SULT1A1: variants seen among roughly 807,000 people sequenced by gnomAD.
SULT1A1 encodes the protein sulfotransferase family 1A member 1, also known as sulfotransferase 1A1.
A neutral mutation model predicts 36.8 loss-of-function variants in SULT1A1; 35 were observed. The ratio of observed to expected loss-of-function variants is 0.95; its 90% CI spans 0.73 to 1.26. The LOEUF (loss-of-function observed/expected upper bound fraction) is 1.26, where lower values mean the gene tolerates loss of function less well. Ranked by LOEUF, SULT1A1 falls within the 50% of genes most tolerant of loss-of-function variation. The probability of loss-of-function intolerance (pLI) is 0.00; values close to 1 mark genes in which losing one functional copy is unlikely to be tolerated. For missense variants in SULT1A1, 309 were observed against 383.0 expected (o/e 0.81, Z 1.61); for synonymous variants, 119 against 146.0 (o/e 0.82, Z 1.33).
intron 2 of SULT1A1, among the ~76,000 whole-genome samples, chr16:28,616,233 A>G (rs576967085): frequency 1.4e-3 from 212 of 152,380 alleles, no homozygotes; most frequent in South Asian, 0.012. Flanking sequence ...TATTGGAAGA[A>G]AAAGTAATTG....
rs2047356932 is a variant in SULT1A1, at chr16:28,609,307, C to G, written c.-4-448G>C. Reference sequence around the variant, plus strand: ...TGGAGATGCTCCCCTCCTTGAGCCCCTCAGCCCCTCACATGTGGAAACCGC... The same window carrying G: ...TGGAGATGCTCCCCTCCTTGAGCCCGTCAGCCCCTCACATGTGGAAACCGC... On this transcript the variant is annotated intron_variant, in intron 1 of 7. Transcript: ENST00000314752. The G allele has an allele frequency of 2.3e-6, 3 of 1,278,404 alleles. 1 individual carries two copies. The highest frequency in any genetic ancestry group is 3.0e-6 in the Non-Finnish European group (3 of 984,844). 79.2% of individuals were successfully genotyped at this position (1,278,404 alleles called of 1,614,324 possible).
At chr16:28,606,474 G>C (rs79039694) in intron 6 of SULT1A1, among the ~76,000 whole-genome samples, 1 of 151,474 alleles carries the variant, frequency 6.6e-6, no homozygotes, top group African/African-American at 2.4e-5. Flanking sequence ...GTCTTCTTCT[G>C]TGACTGTGGC....
intron 1 of SULT1A1, chr16:28,623,107 C>T (rs2047688604): frequency 1.3e-6 from 2 of 1,509,520 alleles, no homozygotes; most frequent in Non-Finnish European, 1.8e-6. Context: ...TCCCACCCCC[C>T]AGGTTCCCCC....
At chr16:28,608,152 T>C in intron 4 of SULT1A1, 139 bp downstream of exon 4, 1 of 1,264,492 alleles carries the variant, frequency 7.9e-7, no homozygotes, top group South Asian at 1.5e-5. Context: ...CACACCCGGC[T>C]AATTTTGTAT....
chr16:28,605,744 A>G lies in SULT1A1; in HGVS notation c.*77T>C, dbSNP rs2047147394. On this transcript the variant is annotated 3_prime_UTR_variant, in exon 8 of 8. Transcript: ENST00000314752. The stretch of plus-strand genomic sequence containing the variant: ...ACATGACCTACCGTCCCGGGCCCTC[A>G]ATTCATATTTTATTCTTGAGCCGCT... The G allele has an allele frequency of 6.2e-7, 1 of 1,601,094 alleles. No individual in the cohort carries two copies.
chr16:28,614,944 A>T (rs549239114), upstream of SULT1A1: 28 of 109,512 alleles, frequency 2.6e-4, no homozygotes, highest in East Asian at 4.8e-3. Context: ...TCAAGAAGAG[A>T]GCCTCTCCAC....
At position 28,608,606 on chromosome 16, in the gene SULT1A1, G is replaced by A. The variant is rs777623231; in HGVS notation, c.149-3C>T. Reference sequence around the variant, plus strand: ...AATCTGGCTTACCCAGGTAGTGCCTGGAGAGGGAGGGAGATGGGAGGTGAG... The same window carrying A: ...AATCTGGCTTACCCAGGTAGTGCCTAGAGAGGGAGGGAGATGGGAGGTGAG... On this transcript the variant is annotated splice_polypyrimidine_tract_variant and splice_region_variant and intron_variant, in intron 2 of 7. Coordinates refer to ENST00000314752, the MANE Select transcript of SULT1A1 (RefSeq NM_001055.4). 1 of 1,611,826 alleles carries A rather than the reference G, an allele frequency of 6.2e-7. No individual in the cohort carries two copies. Among genetic ancestry groups the A allele is most frequent in the Non-Finnish European group, 8.5e-7 (1 of 1,178,182 alleles).
At chr16:28,611,574 G>A (rs1215833633), upstream of SULT1A1, 2 of 152,042 alleles carry the variant, frequency 1.3e-5, no homozygotes, top group Non-Finnish European at 2.9e-5. Flanking sequence ...GCCCATAAAG[G>A]TCAGCCCCAC....
chr16:28,617,800 G>A (rs1170422913), intron 2 of SULT1A1, among the ~76,000 whole-genome samples: 1 of 152,044 alleles, frequency 6.6e-6, no homozygotes, highest in South Asian at 2.1e-4. Context: ...AAAGTGCTGG[G>A]ATTACAGGTG....
chr16:28,623,371 G>A (rs530114517), exon 1 of SULT1A1: 3 of 1,475,182 alleles, frequency 2.0e-6, no homozygotes, highest in African/African-American at 2.8e-5. Context: ...AGCGAGCTAC[G>A]GCACGCTCGT....
intron 2 of SULT1A1, chr16:28,619,993 TTGTGTGTG>T: frequency 8.9e-7 from 1 of 1,119,768 alleles, no homozygotes; most frequent in East Asian, 2.6e-5. Flanking sequence ...GTATTGTATA[TTGTGTGTG>T]TGTGTGTGTG....
chr16:28,616,237 G>A (rs911409586), intron 2 of SULT1A1, among the ~76,000 whole-genome samples: 1 of 152,180 alleles, frequency 6.6e-6, no homozygotes, highest in Non-Finnish European at 1.5e-5. Context: ...GGAAGAAAAA[G>A]TAATTGCTAC....
Position 28,605,649 on chromosome 16 carries a change from C to T in SULT1A1, c.*172G>A, listed in dbSNP as rs1158564643. 6.7e-6 allele frequency: 7 copies of T among 1,048,098 alleles called. No individual in the cohort carries two copies. Among genetic ancestry groups the T allele is most frequent in the Non-Finnish European group, 1.0e-5 (7 of 702,150 alleles). 64.9% of individuals were successfully genotyped at this position (1,048,098 alleles called of 1,614,324 possible). On this transcript the variant is annotated 3_prime_UTR_variant, in exon 8 of 8. Coordinates refer to ENST00000314752, the MANE Select transcript of SULT1A1 (RefSeq NM_001055.4). The stretch of plus-strand genomic sequence containing the variant: ...TTTTAACAGAATCTCACTATGTTGC[C>T]CAGGTTGGTCTCGAACTCCTGGGCT...
At chr16:28,621,506 AAAGAAGAAG>A (rs1555485635) in intron 1 of SULT1A1, among the ~76,000 whole-genome samples, 6 of 42,406 alleles carry the variant, frequency 1.4e-4, no homozygotes, top group African/African-American at 2.7e-4. Flanking sequence ...AAAAAAAAAA[AAAGAAGAAG>A]AAGAAGAAGA....
rs528006707 is a variant in SULT1A1 at position 28,606,006 on chromosome 16, G to C, written c.775+50C>G. 3.1e-4 allele frequency: 495 copies of C among 1,572,266 alleles called. 6 individuals carry two copies. The highest frequency in any genetic ancestry group is 1.1e-3 in the Middle Eastern group (5 of 4,504). ...GGCCCCAAGTGCCTATGGGGAGGCT[G>C]CAGCTGCTGCTCCCACCCGCCCCAA... On this transcript the variant is annotated intron_variant, in intron 7 of 7. Coordinates refer to ENST00000314752, the MANE Select transcript of SULT1A1 (RefSeq NM_001055.4).
chr16:28,611,244 A>G (rs1288035408), upstream of SULT1A1: 1 of 152,154 alleles, frequency 6.6e-6, no homozygotes. Flanking sequence ...AGTGAATACA[A>G]AATCCCAGGC....
chr16:28,607,756 C>G (rs540103316), intron 4 of SULT1A1: 17 of 151,758 alleles, frequency 1.1e-4, no homozygotes, highest in Non-Finnish European at 2.3e-4. Context: ...CCTTGACCTT[C>G]CAGGCTCAAG....
At chr16:28,608,904 C>A (rs776424473) in intron 1 of SULT1A1, 45 bp from the exon 2 acceptor site, 1 of 1,611,252 alleles carries the variant, frequency 6.2e-7, no homozygotes, top group East Asian at 2.2e-5. Context: ...ACCACCATCA[C>A]AACAGCAAGA....
intron 2 of SULT1A1, among the ~76,000 whole-genome samples, chr16:28,618,339 CTTTTTTTTTTT>C (rs546277570): frequency 4.1e-5 from 3 of 72,400 alleles, no homozygotes; most frequent in South Asian, 6.9e-4. Flanking sequence ...ACTTCCCGCT[CTTTTTTTTTTT>C]TTTTTTTTTT....
Sources: gnomAD v4.1 joint callset for allele counts (sites outside exome capture counted in the v4.1 genomes callset) on GRCh38, gnomAD v4.1.1 for gene constraint, MANE v1.5 for transcripts, NCBI Gene and HGNC (gene_info 2026-07-23, HGNC 2026-07-21) for gene names.